The following MALRD1 variants were observed in gnomAD, a reference collection of about 807,000 sequenced individuals.
MALRD1 encodes the protein MAM and LDL-receptor class A domain-containing protein 1.
Under a neutral mutation model 242.1 loss-of-function variants are expected in MALRD1, and 247 were observed. The ratio of observed to expected loss-of-function variants is 1.02; its 90% CI spans 0.92 to 1.13. The LOEUF (loss-of-function observed/expected upper bound fraction) is 1.13. MALRD1 is among the 50% of genes most tolerant of loss of function. The pLI is 0.00. For synonymous variants in MALRD1, 995 were observed against 866.6 expected, an observed-to-expected ratio of 1.15 and a Z score of -2.60; for missense variants, 2,989 against 2,533.1, an observed-to-expected ratio of 1.18 and a Z score of -3.86.
intron 33 of MALRD1, among the ~76,000 whole-genome samples, chr10:19,592,038 C>T (rs1837815703): frequency 6.6e-6 from 1 of 152,150 alleles, no homozygotes; most frequent in African/African-American, 2.4e-5. Context: ...CTGTAGGAAG[C>T]AAAGTCATGT....
chr10:19,219,947 A>G (rs1314078071), intron 18 of MALRD1, among the ~76,000 whole-genome samples: 2 of 152,190 alleles, frequency 1.3e-5, no homozygotes, highest in Non-Finnish European at 2.9e-5. Flanking sequence ...GTGTCAATAC[A>G]GACTACTGTA....
In MALRD1 at chr10:19,203,886, A is replaced by G. The variant is rs1340255595; in HGVS notation, c.2104+6A>G. On this transcript the variant is annotated splice_donor_region_variant and intron_variant, in intron 15 of 39. Coordinates refer to ENST00000454679, the MANE Select transcript of MALRD1 (RefSeq NM_001142308.3). Reference sequence around the variant, plus strand: ...TAGTCTCAACGCATCTCAAGGTAAGAAGCAAACAGGGACTCTACAACCACT... The same window carrying G: ...TAGTCTCAACGCATCTCAAGGTAAGGAGCAAACAGGGACTCTACAACCACT... 1.8e-5 allele frequency: 28 copies of G among 1,550,340 alleles called. No homozygotes were observed. In the Admixed American group the frequency reaches 2.4e-4, roughly 13 times the overall value.
intron 33 of MALRD1, among the ~76,000 whole-genome samples, chr10:19,590,549 T>C (rs1489385359): frequency 6.6e-6 from 1 of 151,934 alleles, no homozygotes; most frequent in Non-Finnish European, 1.5e-5. Context: ...ACCTGGCTTA[T>C]AACACTCTCC....
In MALRD1 at chr10:19,680,561, G is replaced by A. The variant is rs141911124; in HGVS notation, c.6138-11721G>A. 1.8e-3 allele frequency among the ~76,000 whole-genome samples: 267 copies of A among 152,222 alleles called. 2 individuals are homozygous for A. Among genetic ancestry groups the A allele is most frequent in the African/African-American group, 6.3e-3 (260 of 41,536 alleles). ...ATGTGAGATGGATCTCTTGAATGCA[G>A]CACACCGATGGGTCTTGACTCTGTA... On this transcript the variant is annotated intron_variant, in intron 36 of 39. Transcript: ENST00000454679.
At chr10:19,540,867 C>A (rs1274804359) in intron 32 of MALRD1, among the ~76,000 whole-genome samples, 1 of 152,114 alleles carries the variant, frequency 6.6e-6, no homozygotes, top group East Asian at 1.9e-4. Flanking sequence ...GTAATCCCAG[C>A]ACTTTGGGAG....
rs573333379 is a variant in MALRD1, at chr10:19,510,171, C to G, written c.5320+11525C>G. On this transcript the variant is annotated intron_variant, in intron 31 of 39. Coordinates refer to ENST00000454679, the MANE Select transcript of MALRD1 (RefSeq NM_001142308.3). Reference sequence around the variant, plus strand: ...TCAATGCCTTAAAGAGCCAGCATGTCTCACCTCCAGCCCTAAGGCAGTTTT... The same window carrying G: ...TCAATGCCTTAAAGAGCCAGCATGTGTCACCTCCAGCCCTAAGGCAGTTTT... 1.3e-3 allele frequency among the ~76,000 whole-genome samples: 203 copies of G among 152,298 alleles called. 1 individual carries two copies. The highest frequency in any genetic ancestry group is 2.4e-3 in the Non-Finnish European group (164 of 68,022).
chr10:19,363,055 C>G (rs916864436), intron 26 of MALRD1, among the ~76,000 whole-genome samples: 2 of 152,052 alleles, frequency 1.3e-5, no homozygotes, highest in South Asian at 2.1e-4. Flanking sequence ...TTTGGACATG[C>G]TCAGTTTAAA....
At chr10:19,559,221 T>C (rs1212776694) in intron 32 of MALRD1, among the ~76,000 whole-genome samples, 1 of 151,796 alleles carries the variant, frequency 6.6e-6, no homozygotes, top group Admixed American at 6.6e-5. Flanking sequence ...ATATTTTTCA[T>C]TACCCTTTTA....
chr10:19,176,707 T>A (rs1283297483), intron 14 of MALRD1, among the ~76,000 whole-genome samples: 2 of 152,088 alleles, frequency 1.3e-5, no homozygotes, highest in Admixed American at 1.3e-4. Flanking sequence ...TAACGTGTAT[T>A]TACTTTATTC....
chr10:19,693,067 A>G (rs1486625857), intron 38 of MALRD1, among the ~76,000 whole-genome samples: 1 of 151,970 alleles, frequency 6.6e-6, no homozygotes, highest in Non-Finnish European at 1.5e-5. Context: ...TATGGATGGG[A>G]CATATCTCAA....
chr10:19,386,660 C>T (rs902185998), intron 26 of MALRD1, among the ~76,000 whole-genome samples: 2 of 151,858 alleles, frequency 1.3e-5, no homozygotes, highest in Non-Finnish European at 2.9e-5. Context: ...TAGTAAGGAC[C>T]AGGCACTGTT....
chr10:19,567,259 T>A (rs745653284), intron 32 of MALRD1, among the ~76,000 whole-genome samples: 42 of 152,316 alleles, frequency 2.8e-4, no homozygotes, highest in Non-Finnish European at 4.1e-4. Flanking sequence ...CGGTTTTTTT[T>A]AATTATGTCC....
At chr10:19,701,793 CCTT>C (rs1184235875) in intron 38 of MALRD1, among the ~76,000 whole-genome samples, 3 of 143,216 alleles carry the variant, frequency 2.1e-5, no homozygotes, top group South Asian at 2.4e-4. Context: ...CCCTTTTCCT[CCTT>C]CTTCTTTTCT....
At position 19,471,458 on chromosome 10, in the gene MALRD1, A is replaced by G. The variant is rs74557507; in HGVS notation, c.5030-20059A>G. 9.8e-4 allele frequency among the ~76,000 whole-genome samples: 149 copies of G among 151,458 alleles called. 6 individuals are homozygous for G. The East Asian group carries it at 0.024, about 25-fold the overall frequency. The stretch of plus-strand genomic sequence containing the variant: ...TATGAATTTTAGGACTTTTTTTTCT[A>G]TTTCTGTGGAAAACGACTTAGAATT... On this transcript the variant is annotated intron_variant, in intron 29 of 39. Coordinates refer to ENST00000454679, the MANE Select transcript of MALRD1 (RefSeq NM_001142308.3).
chr10:19,696,016 A>G (rs541948928), intron 38 of MALRD1, among the ~76,000 whole-genome samples: 2 of 152,284 alleles, frequency 1.3e-5, no homozygotes, highest in African/African-American at 4.8e-5. Flanking sequence ...TTAAGGTGAG[A>G]TTTGGGTGGA....
chr10:19,357,449 T>A (rs1467607181), intron 26 of MALRD1, among the ~76,000 whole-genome samples: 1 of 152,188 alleles, frequency 6.6e-6, no homozygotes, highest in Non-Finnish European at 1.5e-5. Flanking sequence ...GTGTAAACAT[T>A]TGACAGTAAA....
intron 26 of MALRD1, among the ~76,000 whole-genome samples, chr10:19,361,411 C>A (rs1259839843): frequency 6.6e-6 from 1 of 152,112 alleles, no homozygotes; most frequent in Non-Finnish European, 1.5e-5. Context: ...CCCCCAGACA[C>A]TAAAGAGCTG....
chr10:19,277,049 A>G (rs1316440167), intron 19 of MALRD1, among the ~76,000 whole-genome samples: 1 of 151,818 alleles, frequency 6.6e-6, no homozygotes, highest in Non-Finnish European at 1.5e-5. Context: ...CCTCCCAAGT[A>G]GTTGGAACTA....
intron 32 of MALRD1, among the ~76,000 whole-genome samples, chr10:19,533,959 G>A (rs1834539243): frequency 6.6e-6 from 1 of 152,092 alleles, no homozygotes; most frequent in Non-Finnish European, 1.5e-5. Flanking sequence ...TTTTTCTTTT[G>A]GATTACAAGT....
Sources: allele counts gnomAD v4.1 joint callset (sites outside exome capture counted in the v4.1 genomes callset), GRCh38; gene constraint gnomAD v4.1.1; transcripts MANE v1.5; gene names NCBI Gene and HGNC (gene_info 2026-07-23, HGNC 2026-07-21).